CA8: variants seen among roughly 807,000 people sequenced by gnomAD.
The protein encoded by CA8 is carbonic anhydrase 8 (inactive), also known as carbonic anhydrase-related protein.
In CA8, 22 loss-of-function variants were observed where a neutral mutation model predicts 41.4. That is an observed-to-expected ratio of 0.53 (90% CI 0.38 to 0.76). The LOEUF is 0.76. Ranked by LOEUF, CA8 falls within the 30% of genes least tolerant of loss-of-function variation. The pLI is 0.00. For missense variants in CA8, 270 were observed against 352.8 expected (o/e 0.77, Z 1.88); for synonymous variants, 121 against 130.6 (o/e 0.93, Z 0.50).
In CA8 at chr8:60,281,259, C is replaced by A; in HGVS notation, c.-112G>T. The A allele has an allele frequency of 1.4e-6, 1 of 735,856 alleles. No individual in the cohort carries two copies. The allele number at this position is 735,856 out of a possible 1,614,324, so 45.6% of individuals were successfully genotyped here. A position where few individuals can be genotyped will look rare whatever the true frequency, so the allele number is the denominator to read the frequency against. ...GTGGGGGAGTGTGAGCACGCGTGAG[C>A]GGCAGTGTGAGTGCGAGAGCGCCTC... On this transcript the variant is annotated 5_prime_UTR_variant, in exon 1 of 9. Coordinates refer to ENST00000317995, the MANE Select transcript of CA8 (RefSeq NM_004056.6).
At chr8:60,192,907 T>C (rs190980392) in intron 8 of CA8, among the ~76,000 whole-genome samples, 2 of 149,472 alleles carry the variant, frequency 1.3e-5, no homozygotes, top group African/African-American at 4.9e-5. Flanking sequence ...AGAATGAAGA[T>C]TTGACCCTCT....
At chr8:60,192,156 A>G (rs1806149556) in intron 8 of CA8, among the ~76,000 whole-genome samples, 1 of 152,128 alleles carries the variant, frequency 6.6e-6, no homozygotes. Context: ...ACCTGCCTCA[A>G]AAATGTACAC....
At chr8:60,212,758 A>C (rs1806881275) in intron 7 of CA8, among the ~76,000 whole-genome samples, 1 of 152,234 alleles carries the variant, frequency 6.6e-6, no homozygotes, top group Non-Finnish European at 1.5e-5. Context: ...ACTGCATTGT[A>C]CACTTTAAAA....
chr8:60,211,324 G>A (rs567503296), intron 7 of CA8, among the ~76,000 whole-genome samples: 1 of 152,288 alleles, frequency 6.6e-6, no homozygotes, highest in Admixed American at 6.5e-5. Context: ...AGTTGTATAT[G>A]CAGAAAGTAT....
intron 8 of CA8, among the ~76,000 whole-genome samples, chr8:60,203,949 T>A (rs772266006): frequency 6.6e-6 from 1 of 152,156 alleles, no homozygotes; most frequent in East Asian, 1.9e-4. Flanking sequence ...AACTATAATA[T>A]CCAGTGCTCG....
chr8:60,192,298 T>C (rs1200606767), intron 8 of CA8, among the ~76,000 whole-genome samples: 1 of 152,166 alleles, frequency 6.6e-6, no homozygotes, highest in African/African-American at 2.4e-5. Flanking sequence ...TGCTGTAAGA[T>C]TTTAGGCAAT....
intron 8 of CA8, among the ~76,000 whole-genome samples, chr8:60,206,018 A>G (rs572154750): frequency 1.3e-5 from 2 of 152,360 alleles, no homozygotes; most frequent in South Asian, 2.1e-4. Context: ...GTACACACAC[A>G]TAAGTCTGAT....
At chr8:60,207,004 C>T (rs547451887) in intron 8 of CA8, among the ~76,000 whole-genome samples, 1 of 152,170 alleles carries the variant, frequency 6.6e-6, no homozygotes, top group Non-Finnish European at 1.5e-5. Flanking sequence ...CCTGCCCCAC[C>T]CCAGCCCACC....
chr8:60,228,616 C>G (rs1246474445), intron 4 of CA8, among the ~76,000 whole-genome samples: 2 of 152,222 alleles, frequency 1.3e-5, no homozygotes, highest in African/African-American at 4.8e-5. Flanking sequence ...TAGTTAACCT[C>G]TACATCCTTC....
chr8:60,221,982 C>G (rs1282000534), intron 7 of CA8, among the ~76,000 whole-genome samples: 1 of 152,098 alleles, frequency 6.6e-6, no homozygotes, highest in Admixed American at 6.5e-5. Context: ...CATATCCATC[C>G]CTTACACAGA....
chr8:60,278,078 T>C (rs1224415412), intron 2 of CA8, among the ~76,000 whole-genome samples: 1 of 152,094 alleles, frequency 6.6e-6, no homozygotes, highest in East Asian at 1.9e-4. Context: ...GGCCCAGATG[T>C]TGGTCCATAG....
intron 3 of CA8, among the ~76,000 whole-genome samples, chr8:60,262,306 T>C (rs908047997): frequency 1.6e-4 from 22 of 135,594 alleles, no homozygotes; most frequent in African/African-American, 6.4e-4. Context: ...GGTGAATGCA[T>C]AGAGTGTACT....
intron 4 of CA8, among the ~76,000 whole-genome samples, chr8:60,228,679 G>A (rs1340776745): frequency 6.6e-6 from 1 of 152,170 alleles, no homozygotes; most frequent in Non-Finnish European, 1.5e-5. Flanking sequence ...TTGAAGATAA[G>A]ATTAAATCAA....
Position 60,208,880 on chromosome 8 carries a change from C to A in CA8, c.778G>T (p.Ala260Ser). Residue 260 changes from alanine to serine, a missense_variant, in exon 8 of 9, where the codon GCA (alanine) becomes TCA (serine). Around this residue, in one of 3 missense-constraint regions of CA8, gnomAD observed 141 missense variants for 191.6 expected, o/e 0.74. Transcript: ENST00000317995. ...FRRLRTHVKG[A>S]ELVEGCDGIL... Reference sequence around the variant, plus strand: ...CCATCACAGCCTTCCACAAGTTCTGCCCCCTTAACATGTGTCCTCAGCCTT... The same window carrying A: ...CCATCACAGCCTTCCACAAGTTCTGACCCCTTAACATGTGTCCTCAGCCTT... 2 of 1,614,092 alleles carry A rather than the reference C, an allele frequency of 1.2e-6. No homozygotes were observed. The highest frequency in any genetic ancestry group is 1.7e-6 in the Non-Finnish European group (2 of 1,179,968).
chr8:60,193,442 C>A (rs572583632), intron 8 of CA8, among the ~76,000 whole-genome samples: 23 of 152,150 alleles, frequency 1.5e-4, no homozygotes, highest in Non-Finnish European at 2.9e-4. Flanking sequence ...GATCCCACAT[C>A]TTTTTCCTTA....
rs75947084 is a variant in CA8, at chr8:60,205,872, T to C, written c.*35+2878A>G. On this transcript the variant is annotated intron_variant, in intron 8 of 8. Transcript: ENST00000317995. The stretch of plus-strand genomic sequence containing the variant: ...TTTTAGAGAACAACTACCAGAGAAA[T>C]GTCTTTTCCTTTTTAGTTCCAAGAG... Among the ~76,000 whole-genome samples the C allele has an allele frequency of 8.1e-3, 1,233 of 152,330 alleles. 12 individuals are homozygous for C. The highest frequency in any genetic ancestry group is 0.028 in the African/African-American group (1,166 of 41,578).
intron 6 of CA8, among the ~76,000 whole-genome samples, chr8:60,223,484 G>A (rs1267890333): frequency 6.6e-6 from 1 of 152,074 alleles, no homozygotes; most frequent in African/African-American, 2.4e-5. Context: ...TTGAGAGCAA[G>A]GTCTGGCTAT....
chr8:60,226,802 C>G, intron 5 of CA8, 71 bp downstream of exon 5: 3 of 829,768 alleles, frequency 3.6e-6, no homozygotes, highest in Non-Finnish European at 6.3e-6. Context: ...AACACAGCAT[C>G]GAGCCCGCAG....
intron 8 of CA8, among the ~76,000 whole-genome samples, chr8:60,203,184 G>C (rs956916332): frequency 6.6e-6 from 1 of 152,098 alleles, no homozygotes; most frequent in Non-Finnish European, 1.5e-5. Context: ...GAACATTCTA[G>C]ACTTTAGGTT....
Sources: gnomAD v4.1 joint callset for allele counts (sites outside exome capture counted in the v4.1 genomes callset) on GRCh38, gnomAD v4.1.1 for gene constraint, gnomAD v4.1.1 regional missense constraint, MANE v1.5 for transcripts, NCBI Gene and HGNC (gene_info 2026-07-23, HGNC 2026-07-21) for gene names.